Variants in ANGPT4 observed in about 807,000 individuals in gnomAD.
ANGPT4 encodes the protein angiopoietin-4.
A neutral mutation model predicts 53.0 loss-of-function variants in ANGPT4; 50 were observed. That is an observed-to-expected ratio of 0.94 (90% CI 0.75 to 1.20). ANGPT4 has a LOEUF of 1.20. ANGPT4 is among the 50% of genes most tolerant of loss of function. The pLI is 0.00. For missense variants in ANGPT4, 648 were observed against 637.1 expected (o/e 1.02, Z -0.18); for synonymous variants, 251 against 259.7 (o/e 0.97, Z 0.32).
At chr20:884,762 A>C (rs886859997) in intron 4 of ANGPT4, among the ~76,000 whole-genome samples, 1 of 152,074 alleles carries the variant, frequency 6.6e-6, no homozygotes, top group South Asian at 2.1e-4. Flanking sequence ...TGGAGAATGA[A>C]TCCTGGAGAC....
In ANGPT4 at chr20:879,835, A is replaced by T. The variant is rs746553557; in HGVS notation, c.965T>A (p.Leu322Gln). Residue 322 changes from leucine (L) to glutamine (Q), a missense_variant, in exon 6 of 9, where the codon CTG becomes CAG. By Grantham distance (113) the Leu-to-Gln change is moderately radical (BLOSUM62 -2). Coordinates refer to ENST00000381922, the MANE Select transcript of ANGPT4 (RefSeq NM_015985.4). Reference sequence around the variant, plus strand: ...GGTCCACCTGCCTCCACTGCTCTGCAGGTCACAGAACACCTGGAGGGGGTG... The same window carrying T: ...GGTCCACCTGCCTCCACTGCTCTGCTGGTCACAGAACACCTGGAGGGGGTG... The part of the protein sequence containing the change: ...ATKPRKVFCD[L>Q]QSSGGRWTLI... 2 of 1,612,458 alleles carry T rather than the reference A, an allele frequency of 1.2e-6. No homozygotes were observed. Among genetic ancestry groups the T allele is most frequent in the Non-Finnish European group, 1.7e-6 (2 of 1,179,210 alleles).
rs146594844 is a variant in ANGPT4 at position 916,072 on chromosome 20, A to G, written c.143T>C (p.Leu48Ser). 803 of 1,614,192 alleles carry G rather than the reference A, an allele frequency of 5.0e-4. 9 individuals are homozygous for G. Among genetic ancestry groups the G allele is most frequent in the South Asian group, 4.0e-3 (365 of 91,078 alleles). ...VQHGHCSYTFLLPKSEPCPPG... is the reference protein window; with the variant it reads ...VQHGHCSYTFSLPKSEPCPPG... ...AGGGCAGGGCTCAGACTTGGGCAGC[A>G]AGAAGGTGTAGCTACAGTGGCCGTG... The change falls in exon 1 of 9, where the codon TTG (leucine) becomes TCG (serine). Residue 48 changes from leucine (L) to serine (S), a missense_variant. Leu to Ser is a moderately radical substitution (Grantham distance 145). Transcript: ENST00000381922.
In ANGPT4 at chr20:914,013, C is replaced by T. The variant is rs1218007211; in HGVS notation, c.309+1893G>A. 2.0e-5 allele frequency among the ~76,000 whole-genome samples: 3 copies of T among 152,142 alleles called. No individual in the cohort carries two copies. The highest frequency in any genetic ancestry group is 7.2e-5 in the African/African-American group (3 of 41,418). ...AGGTCATGGGTTTTGGGCTCAGGATCCCATCAATGCCAATTTTGTGTCATC... is the reference window on the plus strand; with the variant it reads ...AGGTCATGGGTTTTGGGCTCAGGATTCCATCAATGCCAATTTTGTGTCATC... On this transcript the variant is annotated intron_variant, in intron 1 of 8. Transcript: ENST00000381922. This position sits in a 1 kb window ranked among gnomAD's most constrained non-coding sequence, Gnocchi z 5.0.
chr20:907,028 T>C (rs549079745), intron 1 of ANGPT4, among the ~76,000 whole-genome samples: 2 of 152,330 alleles, frequency 1.3e-5, no homozygotes, highest in African/African-American at 4.8e-5. Context: ...CTCAATAGCT[T>C]TGCCATTTCC....
chr20:916,138 C>T lies in ANGPT4; in HGVS notation c.77G>A (p.Arg26Lys). 6.2e-7 allele frequency: 1 copy of T among 1,614,202 alleles called. No homozygotes were observed. Among genetic ancestry groups the T allele is most frequent in the Non-Finnish European group, 8.5e-7 (1 of 1,180,016 alleles). The change falls in exon 1 of 9, where the codon AGG becomes AAG. Residue 26 changes from arginine to lysine, a missense_variant. Arg to Lys is a conservative substitution (Grantham distance 26). Transcript: ENST00000381922. The stretch of plus-strand genomic sequence containing the variant: ...CTCGCAGCCCCTATCCGCCTCCTGC[C>T]TTGTCTGTTGAGCCACAGACATGGT... Reference protein sequence around the residue: ...VATMSVAQQTRQEADRGCETL... With the variant: ...VATMSVAQQTKQEADRGCETL...
At chr20:898,874 C>T (rs6140578) in intron 1 of ANGPT4, among the ~76,000 whole-genome samples, 21,739 of 152,198 alleles carry the variant, frequency 0.14, 1,653 homozygotes, top group Middle Eastern at 0.28. Flanking sequence ...TGGGATTCCT[C>T]CTAAGCCGTG....
chr20:888,243 G>C, intron 3 of ANGPT4, 75 bp downstream of exon 3: 1 of 1,530,184 alleles, frequency 6.5e-7, no homozygotes. Flanking sequence ...CCCTGGCTCT[G>C]GTGCCTGCCC....
chr20:905,872 C>T (rs1982459105), intron 1 of ANGPT4, among the ~76,000 whole-genome samples: 1 of 152,218 alleles, frequency 6.6e-6, no homozygotes. Context: ...ACAAATACAG[C>T]TCATTTAGTC....
intron 2 of ANGPT4, among the ~76,000 whole-genome samples, chr20:888,945 G>A (rs1241564397): frequency 1.3e-5 from 2 of 152,218 alleles, no homozygotes; most frequent in Non-Finnish European, 2.9e-5. Context: ...GCCCTATGGT[G>A]TGATCTGTCC....
chr20:876,883 T>TA (rs5839886), intron 7 of ANGPT4, among the ~76,000 whole-genome samples: 18,824 of 151,924 alleles, frequency 0.12, 1,519 homozygotes, highest in African/African-American at 0.23. Context: ...CCTGTTTCTA[T>TA]AAAAAATACA....
intron 1 of ANGPT4, among the ~76,000 whole-genome samples, chr20:899,790 T>C (rs1982217251): frequency 6.6e-6 from 1 of 152,242 alleles, no homozygotes; most frequent in Non-Finnish European, 1.5e-5. Context: ...CTTTCTTTAC[T>C]ATTCCTTTGC....
intron 1 of ANGPT4, among the ~76,000 whole-genome samples, chr20:893,059 G>A (rs911403874): frequency 1.3e-5 from 2 of 152,144 alleles, no homozygotes; most frequent in Non-Finnish European, 2.9e-5. Context: ...CCCAGTCCTG[G>A]GTCCTTGTCT....
At chr20:894,589 C>G (rs1981971231) in intron 1 of ANGPT4, among the ~76,000 whole-genome samples, 1 of 152,142 alleles carries the variant, frequency 6.6e-6, no homozygotes, top group Non-Finnish European at 1.5e-5. Flanking sequence ...ACAAATATAG[C>G]TGTATCGAGT....
chr20:892,994 C>G (rs1362377065), intron 1 of ANGPT4, among the ~76,000 whole-genome samples: 1 of 152,182 alleles, frequency 6.6e-6, no homozygotes, highest in East Asian at 1.9e-4. Context: ...TAGCCCCTAA[C>G]CACCCACTCT....
intron 2 of ANGPT4, among the ~76,000 whole-genome samples, chr20:889,006 C>T (rs967502670): frequency 6.6e-6 from 1 of 152,218 alleles, no homozygotes; most frequent in African/African-American, 2.4e-5. Flanking sequence ...GTCACTCCAG[C>T]ATAGTGGTCT....
In ANGPT4 at chr20:874,343, C is replaced by T; in HGVS notation, c.1292G>A (p.Ser431Asn). ...GTGGTCGTTGTCTGAGTCAAGGGTG[C>T]TAAAGCTGGTGTTCTGCAGGACCAG... is the stretch of plus-strand genomic sequence containing the variant. ...SSLVLQNTSF[S>N]TLDSDNDHCL... The change falls in exon 8 of 9, where the codon AGC (serine) becomes AAC (asparagine). Residue 431 changes from serine to asparagine, a missense_variant. Physicochemically the swap from Ser to Asn is conservative, Grantham distance 46. Coordinates refer to ENST00000381922, the MANE Select transcript of ANGPT4 (RefSeq NM_015985.4). The T allele has an allele frequency of 6.2e-7, 1 of 1,614,202 alleles. No homozygotes were observed. The highest frequency in any genetic ancestry group is 1.1e-5 in the South Asian group (1 of 91,074).
At chr20:912,601 G>A (rs998437522) in intron 1 of ANGPT4, among the ~76,000 whole-genome samples, 2 of 152,100 alleles carry the variant, frequency 1.3e-5, no homozygotes, top group East Asian at 1.9e-4. Context: ...TTCCAGGAGC[G>A]AGGAGGAGGA....
At chr20:894,593 A>ATCGAGTTT (rs1981971730) in intron 1 of ANGPT4, among the ~76,000 whole-genome samples, 1 of 152,252 alleles carries the variant, frequency 6.6e-6, no homozygotes, top group Admixed American at 6.5e-5. Context: ...ATATAGCTGT[A>ATCGAGTTT]TCGAGTTTGG....
chr20:887,669 G>A (rs530343937), intron 3 of ANGPT4, among the ~76,000 whole-genome samples: 10 of 144,456 alleles, frequency 6.9e-5, no homozygotes, highest in Admixed American at 2.1e-4. Context: ...TTTAAAGGGT[G>A]TTCCCCTGAT....
Sources: allele counts gnomAD v4.1 joint callset (sites outside exome capture counted in the v4.1 genomes callset), GRCh38; gene constraint gnomAD v4.1.1; non-coding constraint Gnocchi (gnomAD v3.1); transcripts MANE v1.5; gene names NCBI Gene and HGNC (gene_info 2026-07-23, HGNC 2026-07-21).